GATAD2B: variants seen among roughly 807,000 people sequenced by gnomAD.
The protein encoded by GATAD2B is GATA zinc finger domain containing 2B, also known as transcriptional repressor p66-beta.
Under a neutral mutation model 64.3 loss-of-function variants are expected in GATAD2B, and 8 were observed. That is an observed-to-expected ratio of 0.12 (90% CI 0.07 to 0.22). The LOEUF (loss-of-function observed/expected upper bound fraction) is 0.22, where lower values mean the gene tolerates loss of function less well. Among genes scored for constraint, GATAD2B ranks in the 10% least tolerant of loss-of-function variants. The pLI is 1.00. For missense variants in GATAD2B, 453 were observed against 752.0 expected (o/e 0.60, Z 4.65); for synonymous variants, 281 against 271.3 (o/e 1.04, Z -0.35).
chr1:153,820,654 G>A (rs1229001153), intron 2 of GATAD2B, among the ~76,000 whole-genome samples: 1 of 152,054 alleles, frequency 6.6e-6, no homozygotes, highest in African/African-American at 2.4e-5. Flanking sequence ...TCTTGAGACA[G>A]GGTCTCACTC....
At chr1:153,901,625 G>C (rs895728792) in intron 1 of GATAD2B, among the ~76,000 whole-genome samples, 3 of 151,752 alleles carry the variant, frequency 2.0e-5, no homozygotes, top group Non-Finnish European at 2.9e-5. Flanking sequence ...AGGAATTTGA[G>C]ACCAGCCTGG....
intron 2 of GATAD2B, among the ~76,000 whole-genome samples, chr1:153,820,917 G>C (rs1674655649): frequency 6.7e-6 from 1 of 148,836 alleles, no homozygotes. Flanking sequence ...AATGATCACA[G>C]ATCGCTAGCT....
intron 2 of GATAD2B, among the ~76,000 whole-genome samples, chr1:153,820,098 C>CAAAAA (rs201426841): frequency 3.2e-5 from 2 of 63,148 alleles, no homozygotes; most frequent in Non-Finnish European, 3.3e-5. Flanking sequence ...GTTCCCGTCT[C>CAAAAA]AAAAAAAAAA....
At chr1:153,870,818 C>G (rs1209947458) in intron 1 of GATAD2B, among the ~76,000 whole-genome samples, 1 of 152,150 alleles carries the variant, frequency 6.6e-6, no homozygotes, top group Non-Finnish European at 1.5e-5. Context: ...ATTGGAAACA[C>G]TTCTGGTTTC....
chr1:153,908,781 GGAAAAAA>G (rs1190718256), intron 1 of GATAD2B, among the ~76,000 whole-genome samples: 2,782 of 29,174 alleles, frequency 0.095, 105 homozygotes, highest in African/African-American at 0.16. Flanking sequence ...AAACATACTT[GGAAAAAA>G]AAAAAAAAAA....
intron 1 of GATAD2B, chr1:153,852,808 T>C: frequency 1.1e-6 from 1 of 896,298 alleles, no homozygotes; most frequent in African/African-American, 1.7e-5. Context: ...ATCATATCCT[T>C]CAACTTTTTT....
At chr1:153,887,006 C>G (rs926975123) in intron 1 of GATAD2B, among the ~76,000 whole-genome samples, 1 of 152,110 alleles carries the variant, frequency 6.6e-6, no homozygotes, top group African/African-American at 2.4e-5. Flanking sequence ...TCTTATAGTC[C>G]TGTCTGCTTT....
At chr1:153,910,257 G>A (rs933462989) in intron 1 of GATAD2B, among the ~76,000 whole-genome samples, 1 of 152,138 alleles carries the variant, frequency 6.6e-6, no homozygotes, top group Non-Finnish European at 1.5e-5. Context: ...CAGATTAGAA[G>A]ACCACTTGCC....
chr1:153,806,987 A>C lies in GATAD2B; in HGVS notation c.*3190T>G, dbSNP rs138859599. ...TTGTCTACCATACATATATCCAAAA[A>C]TGTGGGAAAAATACTTATTCCAGGG... On this transcript the variant is annotated 3_prime_UTR_variant, in exon 11 of 11. Coordinates refer to ENST00000368655, the MANE Select transcript of GATAD2B (RefSeq NM_020699.4). The C allele has an allele frequency of 3.9e-5, 6 of 152,304 alleles. No homozygotes were observed. In the East Asian group the frequency reaches 9.6e-4, roughly 24 times the overall value. 9.4% of individuals were successfully genotyped at this position (152,304 alleles called of 1,614,324 possible).
chr1:153,837,508 C>A (rs940339936), intron 1 of GATAD2B, among the ~76,000 whole-genome samples: 51 of 152,094 alleles, frequency 3.4e-4, no homozygotes, highest in African/African-American at 1.2e-3. Flanking sequence ...GTGATGGTTG[C>A]AAAACAATGT....
At position 153,818,365 on chromosome 1, in the gene GATAD2B, AG is replaced by A. The variant is rs368362507; in HGVS notation, c.598-195del. Among the ~76,000 whole-genome samples, 495 of 138,458 alleles carry A rather than the reference AG, an allele frequency of 3.6e-3. 7 individuals carry two copies. Among genetic ancestry groups the A allele is most frequent in the African/African-American group, 0.012 (447 of 36,270 alleles). The allele number at this position is 138,458 out of a possible 152,430, so 90.8% of individuals were successfully genotyped here. Reference sequence around the variant, plus strand: ...AGTCTTGCTCTGTCGCCCAGGCTGGAGTGCAGTGGCCTGATCTCGGCTCACT... The same window carrying A: ...AGTCTTGCTCTGTCGCCCAGGCTGGATGCAGTGGCCTGATCTCGGCTCACT... On this transcript the variant is annotated intron_variant, in intron 4 of 10. Transcript: ENST00000368655.
At chr1:153,866,772 A>G (rs1404406458) in intron 1 of GATAD2B, among the ~76,000 whole-genome samples, 1 of 152,036 alleles carries the variant, frequency 6.6e-6, no homozygotes, top group Non-Finnish European at 1.5e-5. Context: ...ATTATTTCCA[A>G]TGTACCTTGT....
intron 4 of GATAD2B, 83 bp from the exon 5 acceptor site, chr1:153,818,254 G>C (rs887299063): frequency 6.4e-5 from 81 of 1,266,708 alleles, no homozygotes; most frequent in Non-Finnish European, 8.3e-5. Flanking sequence ...AAAAATTCCT[G>C]GTCAGTGTGA....
chr1:153,832,114 CTGAGGCAGGAGGA>C (rs1344677917), intron 1 of GATAD2B, among the ~76,000 whole-genome samples: 1 of 152,054 alleles, frequency 6.6e-6, no homozygotes, highest in African/African-American at 2.4e-5. Context: ...ATTTGGGAGG[CTGAGGCAGGAGGA>C]TCACTTGAAC....
At chr1:153,907,130 A>G (rs1677967161) in intron 1 of GATAD2B, among the ~76,000 whole-genome samples, 1 of 152,240 alleles carries the variant, frequency 6.6e-6, no homozygotes, top group Non-Finnish European at 1.5e-5. Context: ...ATCATGATCT[A>G]ACAATTTCAA....
intron 1 of GATAD2B, among the ~76,000 whole-genome samples, chr1:153,843,422 G>A (rs1250730629): frequency 1.3e-5 from 2 of 151,732 alleles, no homozygotes; most frequent in Non-Finnish European, 2.9e-5. Flanking sequence ...AGCCACTAGA[G>A]GAGAAGCGAC....
intron 1 of GATAD2B, among the ~76,000 whole-genome samples, chr1:153,921,238 G>A (rs1372585480): frequency 6.6e-6 from 1 of 152,120 alleles, no homozygotes; most frequent in Admixed American, 6.6e-5. Context: ...ACAACATATA[G>A]GCACCATGCT....
intron 1 of GATAD2B, among the ~76,000 whole-genome samples, chr1:153,831,832 C>T (rs1675085425): frequency 6.6e-6 from 1 of 152,178 alleles, no homozygotes; most frequent in African/African-American, 2.4e-5. Flanking sequence ...AAGTCTGCCA[C>T]TCAACTGATT....
chr1:153,862,119 T>G (rs1035508223), intron 1 of GATAD2B, among the ~76,000 whole-genome samples: 1 of 65,016 alleles, frequency 1.5e-5, no homozygotes, highest in Non-Finnish European at 3.3e-5. Flanking sequence ...CATTATATCC[T>G]TTTTTTTTTT....
Sources: allele counts gnomAD v4.1 joint callset (sites outside exome capture counted in the v4.1 genomes callset), GRCh38; gene constraint gnomAD v4.1.1; transcripts MANE v1.5; gene names NCBI Gene and HGNC (gene_info 2026-07-23, HGNC 2026-07-21).